SLC7A2: variants seen among roughly 807,000 people sequenced by gnomAD.
SLC7A2 encodes the protein cationic amino acid transporter 2.
A neutral mutation model predicts 58.9 loss-of-function variants in SLC7A2; 48 were observed. The ratio of observed to expected loss-of-function variants is 0.82; its 90% confidence interval spans 0.65 to 1.04. SLC7A2 has a LOEUF of 1.04. SLC7A2 is among the 50% of genes least tolerant of loss of function. The probability of loss-of-function intolerance (pLI) is 0.00; values close to 1 mark genes in which losing one functional copy is unlikely to be tolerated. For missense variants in SLC7A2, 1,029 were observed against 818.8 expected, an observed-to-expected ratio of 1.26 and a Z score of -3.13; for synonymous variants, 363 against 314.5, an observed-to-expected ratio of 1.15 and a Z score of -1.63.
intron 2 of SLC7A2, among the ~76,000 whole-genome samples, chr8:17,537,220 C>A (rs898649369): frequency 6.6e-6 from 1 of 152,094 alleles, no homozygotes; most frequent in Non-Finnish European, 1.5e-5. Context: ...CCATGCCTGG[C>A]TAATTTTTGT....
At position 17,568,257 on chromosome 8, in the gene SLC7A2, A is replaced by G. The variant is rs557885223; in HGVS notation, c.*3111A>G. On this transcript the variant is annotated 3_prime_UTR_variant, in exon 13 of 13. Transcript: ENST00000494857. Reference sequence around the variant, plus strand: ...AATTTTATACTCTTAAAAAAAAACAATAATTTGTGAATTACCACCAAAAGG... The same window carrying G: ...AATTTTATACTCTTAAAAAAAAACAGTAATTTGTGAATTACCACCAAAAGG... 2.6e-5 allele frequency: 4 copies of G among 152,254 alleles called. No individual in the cohort carries two copies. The highest frequency in any genetic ancestry group is 2.9e-5 in the Non-Finnish European group (2 of 68,016). The allele number at this position is 152,254 out of a possible 1,614,324, so 9.4% of individuals were successfully genotyped here. A position where few individuals can be genotyped will look rare whatever the true frequency, so the allele number is the denominator to read the frequency against.
At chr8:17,523,563 T>C (rs1346246732) in intron 2 of SLC7A2, among the ~76,000 whole-genome samples, 2 of 152,146 alleles carry the variant, frequency 1.3e-5, no homozygotes, top group South Asian at 4.1e-4. Context: ...TAGCCACATG[T>C]AGAAGAATGA....
At chr8:17,563,245 T>G (rs998542129) in intron 11 of SLC7A2, among the ~76,000 whole-genome samples, 4 of 152,210 alleles carry the variant, frequency 2.6e-5, no homozygotes, top group Non-Finnish European at 4.4e-5. Context: ...TGGCTTGGGT[T>G]TGAAGAGGGC....
intron 1 of SLC7A2, among the ~76,000 whole-genome samples, chr8:17,501,711 A>G (rs759760976): frequency 2.2e-4 from 33 of 152,114 alleles, no homozygotes; most frequent in African/African-American, 8.0e-4. Context: ...CCTGCAAAAC[A>G]TAAAATATAA....
intron 2 of SLC7A2, among the ~76,000 whole-genome samples, chr8:17,533,290 CGT>C (rs1801533979): frequency 6.6e-6 from 1 of 152,184 alleles, no homozygotes; most frequent in African/African-American, 2.4e-5. Flanking sequence ...CAAATCAGAA[CGT>C]GTTTTTCAGA....
intron 2 of SLC7A2, among the ~76,000 whole-genome samples, chr8:17,526,365 C>T (rs573529312): frequency 6.6e-6 from 1 of 152,276 alleles, no homozygotes; most frequent in East Asian, 1.9e-4. Flanking sequence ...CAGCAGATGA[C>T]AGGGAAGCAG....
At chr8:17,498,135 G>A (rs1800023788) in intron 1 of SLC7A2, among the ~76,000 whole-genome samples, 1 of 152,194 alleles carries the variant, frequency 6.6e-6, no homozygotes, top group South Asian at 2.1e-4. Context: ...AAATATTTGT[G>A]CAAAACTGGC....
intron 11 of SLC7A2, 45 bp from the exon 12 acceptor site, chr8:17,563,558 G>C: frequency 8.6e-7 from 1 of 1,167,592 alleles, no homozygotes; most frequent in East Asian, 2.3e-5. Flanking sequence ...TGGGGAATAT[G>C]CTTCAAAATA....
chr8:17,561,816 A>G (rs1803002896), intron 10 of SLC7A2, 128 bp from the exon 11 acceptor site: 1 of 817,024 alleles, frequency 1.2e-6, no homozygotes, highest in African/African-American at 1.7e-5. Flanking sequence ...GGCAAGGCGA[A>G]GACTCTTTGT....
At chr8:17,543,205 C>G (rs1035141145) in intron 2 of SLC7A2, 113 bp from the exon 3 acceptor site, 5 of 961,114 alleles carry the variant, frequency 5.2e-6, no homozygotes, top group Non-Finnish European at 7.8e-6. Flanking sequence ...CACACACACA[C>G]ACACACACAC....
intron 2 of SLC7A2, among the ~76,000 whole-genome samples, chr8:17,509,136 G>A (rs1416029314): frequency 6.6e-6 from 1 of 151,996 alleles, no homozygotes; most frequent in Non-Finnish European, 1.5e-5. Context: ...TAAAGAATGG[G>A]CCTTTCCTTC....
At chr8:17,556,633 G>C (rs185379954) in intron 8 of SLC7A2, among the ~76,000 whole-genome samples, 3 of 150,908 alleles carry the variant, frequency 2.0e-5, no homozygotes, top group African/African-American at 2.4e-5. Context: ...TTTTGAGATA[G>C]GGTGTCACTC....
intron 2 of SLC7A2, among the ~76,000 whole-genome samples, chr8:17,539,481 T>C (rs1309741740): frequency 3.9e-5 from 6 of 152,198 alleles, no homozygotes; most frequent in Non-Finnish European, 8.8e-5. Context: ...CACATATTTA[T>C]CTTCCTCAAG....
At chr8:17,494,454 A>G (rs1799912689), upstream of SLC7A2, among the ~76,000 whole-genome samples, 1 of 152,216 alleles carries the variant, frequency 6.6e-6, no homozygotes, top group Non-Finnish European at 1.5e-5. Context: ...TGACGGCTGA[A>G]AGTGAAAAGT....
rs1803227837 is a variant in SLC7A2, at chr8:17,565,478, T to C, written c.*332T>C. ...GTTTTACTATTATTGTGTTACATTT[T>C]TCCAGTGTCGTCATTAATCGGTGGC... On this transcript the variant is annotated 3_prime_UTR_variant, in exon 13 of 13. Coordinates refer to ENST00000494857, the MANE Select transcript of SLC7A2 (RefSeq NM_001370338.1). 4.7e-6 allele frequency: 1 copy of C among 213,276 alleles called. No individual in the cohort carries two copies. The highest frequency in any genetic ancestry group is 9.4e-6 in the Non-Finnish European group (1 of 106,490). 13.2% of individuals were successfully genotyped at this position (213,276 alleles called of 1,614,324 possible). A position where few individuals can be genotyped will look rare whatever the true frequency, so the allele number is the denominator to read the frequency against.
intron 2 of SLC7A2, among the ~76,000 whole-genome samples, chr8:17,511,838 A>C (rs185435688): frequency 2.4e-4 from 37 of 152,212 alleles, no homozygotes; most frequent in African/African-American, 7.5e-4. Flanking sequence ...GAGGGCTGGA[A>C]CCCATGCTAG....
intron 2 of SLC7A2, among the ~76,000 whole-genome samples, chr8:17,534,647 A>T (rs144681945): frequency 2.0e-5 from 3 of 146,636 alleles, no homozygotes; most frequent in African/African-American, 7.5e-5. Context: ...TAACATCTCT[A>T]TGTGTTTGCT....
chr8:17,497,918 C>G (rs1289120302), intron 1 of SLC7A2, among the ~76,000 whole-genome samples: 6 of 152,206 alleles, frequency 3.9e-5, no homozygotes, highest in African/African-American at 1.2e-4. Context: ...CAACCCATCA[C>G]CCCAGAGTAC....
At chr8:17,501,848 C>T (rs981615569) in intron 1 of SLC7A2, among the ~76,000 whole-genome samples, 32 of 150,158 alleles carry the variant, frequency 2.1e-4, no homozygotes, top group Admixed American at 1.2e-3. Flanking sequence ...GCGAGTGATG[C>T]GAGAACATTC....
Sources: allele counts gnomAD v4.1 joint callset (sites outside exome capture counted in the v4.1 genomes callset), GRCh38; gene constraint gnomAD v4.1.1; transcripts MANE v1.5; gene names NCBI Gene and HGNC (gene_info 2026-07-23, HGNC 2026-07-21).